The following KCNQ1 variants were observed in gnomAD, a reference collection of about 807,000 sequenced individuals.
KCNQ1 encodes the protein potassium voltage-gated channel subfamily KQT member 1.
Under a neutral mutation model 72.4 loss-of-function variants are expected in KCNQ1, and 49 were observed. That is an observed-to-expected ratio of 0.68 (90% CI 0.54 to 0.86). The LOEUF (loss-of-function observed/expected upper bound fraction) is 0.86. Among genes scored for constraint, KCNQ1 ranks in the 40% least tolerant of loss-of-function variants. The pLI is 0.00. For missense variants in KCNQ1, 790 were observed against 945.1 expected, an observed-to-expected ratio of 0.84 and a Z score of 2.15; for synonymous variants, 450 against 412.6, an observed-to-expected ratio of 1.09 and a Z score of -1.10.
chr11:2,809,596 TG>T lies in KCNQ1; in HGVS notation c.1794+31561del, dbSNP rs2134037824. Among the ~76,000 whole-genome samples, 1 of 152,346 alleles carries T rather than the reference TG, an allele frequency of 6.6e-6. No individual in the cohort carries two copies. The highest frequency in any genetic ancestry group is 2.1e-4 in the South Asian group (1 of 4,824). On this transcript the variant is annotated intron_variant, in intron 15 of 15. Transcript: ENST00000155840. This position sits in a 1 kb window ranked among gnomAD's most constrained non-coding sequence, Gnocchi z 7.1. ...CTCTTCTCAGTTCTTCGTTTCCAGT[TG>T]GACTCATCTCCTGACTGGTTGGGTT... is the stretch of plus-strand genomic sequence containing the variant.
At chr11:2,574,161 C>G (rs1235068372) in intron 6 of KCNQ1, among the ~76,000 whole-genome samples, 1 of 152,206 alleles carries the variant, frequency 6.6e-6, no homozygotes, top group Non-Finnish European at 1.5e-5. Flanking sequence ...CCCATCTCCC[C>G]CCACAGCTGC....
chr11:2,455,229 C>G (rs1339407827), intron 1 of KCNQ1, among the ~76,000 whole-genome samples: 1 of 152,070 alleles, frequency 6.6e-6, no homozygotes, highest in Non-Finnish European at 1.5e-5. Context: ...TCCCAAGTAG[C>G]TGGGACAACA....
chr11:2,685,810 C>CGATTCCTACTAGAACGAT (rs1459169539), intron 11 of KCNQ1: 1 of 398,598 alleles, frequency 2.5e-6, no homozygotes, highest in African/African-American at 2.1e-5. Flanking sequence ...CCTGAGAATG[C>CGATTCCTACTAGAACGAT]GATTCCTACT....
chr11:2,460,639 T>G (rs1846263858), intron 1 of KCNQ1, among the ~76,000 whole-genome samples: 1 of 152,176 alleles, frequency 6.6e-6, no homozygotes, highest in Admixed American at 6.5e-5. Flanking sequence ...CAAATTTGCA[T>G]GGGCCCCTTT....
intron 1 of KCNQ1, among the ~76,000 whole-genome samples, chr11:2,470,450 G>T (rs572348149): frequency 1.3e-5 from 2 of 152,274 alleles, no homozygotes; most frequent in Admixed American, 6.5e-5. Context: ...GCATGGAAGC[G>T]TATATCCCAG....
intron 10 of KCNQ1, among the ~76,000 whole-genome samples, chr11:2,596,125 T>C (rs1482466544): frequency 6.6e-6 from 1 of 152,038 alleles, no homozygotes; most frequent in African/African-American, 2.4e-5. Context: ...AAAAACACAA[T>C]GAAATACCAC....
chr11:2,601,508 C>A lies in KCNQ1; in HGVS notation c.1393+12654C>A, dbSNP rs1848806845. ...TAACCAGGATGTCAACAGCAAGAGT[C>A]CAGATGCAGAGTGCTCCCGTCGCCA... is the stretch of plus-strand genomic sequence containing the variant. On this transcript the variant is annotated intron_variant, in intron 10 of 15. Transcript: ENST00000155840. The surrounding 1 kb of genome is among the most constrained non-coding windows in gnomAD (Gnocchi z 5.2). Among the ~76,000 whole-genome samples, 1 of 152,166 alleles carries A rather than the reference C, an allele frequency of 6.6e-6. No individual in the cohort carries two copies. Among genetic ancestry groups the A allele is most frequent in the Admixed American group, 6.5e-5 (1 of 15,270 alleles).
At chr11:2,632,205 AAAT>A (rs1849369199) in intron 10 of KCNQ1, 4 of 388,654 alleles carry the variant, frequency 1.0e-5, no homozygotes, top group African/African-American at 6.5e-5. Flanking sequence ...AAAAAAAAAG[AAAT>A]GCAACTGAAT....
chr11:2,689,237 G>T lies in KCNQ1; in HGVS notation c.1514+27156G>T, dbSNP rs1310253118. ...GATGCAGTGGTTTAGGCCAAGCTTT[G>T]AAGTCAGCCCTTGGAGGACGTTCCT... On this transcript the variant is annotated intron_variant, in intron 11 of 15. Transcript: ENST00000155840. 5.5e-5 allele frequency: 22 copies of T among 398,622 alleles called. 1 individual carries two copies. In the Admixed American group the frequency reaches 7.0e-4, roughly 13 times the overall value. The allele number at this position is 398,622 out of a possible 1,614,324, so 24.7% of individuals were successfully genotyped here. A position where few individuals can be genotyped will look rare whatever the true frequency, so the allele number is the denominator to read the frequency against.
At chr11:2,692,479 A>C (rs1850605286) in intron 11 of KCNQ1, 1 of 398,704 alleles carries the variant, frequency 2.5e-6, no homozygotes, top group Non-Finnish European at 4.4e-6. Flanking sequence ...CCTTTCTGGT[A>C]GTTCAGATGC....
At position 2,550,405 on chromosome 11, in the gene KCNQ1, G is replaced by A. The variant is rs1378487153; in HGVS notation, c.478-20223G>A. Among the ~76,000 whole-genome samples, 2 of 152,218 alleles carry A rather than the reference G, an allele frequency of 1.3e-5. No homozygotes were observed. The highest frequency in any genetic ancestry group is 2.9e-5 in the Non-Finnish European group (2 of 68,024). On this transcript the variant is annotated intron_variant, in intron 2 of 15. Coordinates refer to ENST00000155840, the MANE Select transcript of KCNQ1 (RefSeq NM_000218.3). The surrounding 1 kb of genome is among the most constrained non-coding windows in gnomAD (Gnocchi z 6.0). ...GAAAAGGCATAGGTAGAAGGTGGGAGAAGCCCACGTTCTGGGAGCGTCGCA... is the reference window on the plus strand; with the variant it reads ...GAAAAGGCATAGGTAGAAGGTGGGAAAAGCCCACGTTCTGGGAGCGTCGCA...
At chr11:2,697,658 A>G in intron 11 of KCNQ1, 1 of 398,594 alleles carries the variant, frequency 2.5e-6, no homozygotes. Flanking sequence ...TAGCCTCTTA[A>G]TGTGAATTAC....
At chr11:2,597,562 A>G (rs556188875) in intron 10 of KCNQ1, among the ~76,000 whole-genome samples, 1 of 152,348 alleles carries the variant, frequency 6.6e-6, no homozygotes, top group East Asian at 1.9e-4. Context: ...ATCTTTCAGA[A>G]GAGTATGAAA....
chr11:2,778,191 G>C (rs1011880108), intron 15 of KCNQ1, among the ~76,000 whole-genome samples, 154 bp downstream of exon 15: 7 of 152,364 alleles, frequency 4.6e-5, no homozygotes, highest in Admixed American at 1.3e-4. Flanking sequence ...CCCAAGAGGG[G>C]CCCAGGCCCA....
intron 10 of KCNQ1, chr11:2,614,766 G>A (rs1849034622): frequency 2.5e-6 from 1 of 398,276 alleles, no homozygotes; most frequent in African/African-American, 2.1e-5. Flanking sequence ...ACCACATTGT[G>A]TCAGTACCAC....
chr11:2,454,545 T>G (rs1233612630), intron 1 of KCNQ1, among the ~76,000 whole-genome samples: 3 of 152,172 alleles, frequency 2.0e-5, no homozygotes. Flanking sequence ...GTGATACTAT[T>G]TGTTATATTA....
At position 2,824,100 on chromosome 11, in the gene KCNQ1, C is replaced by T. The variant is rs887727323; in HGVS notation, c.1795-23667C>T. Among the ~76,000 whole-genome samples the T allele has an allele frequency of 2.6e-5, 4 of 152,102 alleles. No individual in the cohort carries two copies. Among genetic ancestry groups the T allele is most frequent in the Admixed American group, 2.0e-4 (3 of 15,282 alleles). ...ACAGCACAAACACCTTGACACACAC[C>T]GTCACACACACCCATATTCGACACA... is the stretch of plus-strand genomic sequence containing the variant. On this transcript the variant is annotated intron_variant, in intron 15 of 15. Transcript: ENST00000155840. This position sits in a 1 kb window ranked among gnomAD's most constrained non-coding sequence, Gnocchi z 5.9.
At position 2,623,816 on chromosome 11, in the gene KCNQ1, A is replaced by C. The variant is rs189957838; in HGVS notation, c.1393+34962A>C. The C allele has an allele frequency of 7.3e-5, 29 of 398,480 alleles. No homozygotes were observed. In the Admixed American group the frequency reaches 1.1e-3, roughly 16 times the overall value. 24.7% of individuals were successfully genotyped at this position (398,480 alleles called of 1,614,324 possible). On this transcript the variant is annotated intron_variant, in intron 10 of 15. Coordinates refer to ENST00000155840, the MANE Select transcript of KCNQ1 (RefSeq NM_000218.3). The surrounding 1 kb of genome is among the most constrained non-coding windows in gnomAD (Gnocchi z 5.2). ...TGTGATTGCTGAACTGCATGGTAAGAATATGTTTAATTTTATAAGAAACCA... is the reference window on the plus strand; with the variant it reads ...TGTGATTGCTGAACTGCATGGTAAGCATATGTTTAATTTTATAAGAAACCA...
In KCNQ1 at chr11:2,494,277, A is replaced by G. The variant is rs1264894642; in HGVS notation, c.387-33651A>G. ...GACAATGGGGTTTTCTAAATATACA[A>G]TCATGTCATCTGCAAACAGAGAAAA... On this transcript the variant is annotated intron_variant, in intron 1 of 15. Coordinates refer to ENST00000155840, the MANE Select transcript of KCNQ1 (RefSeq NM_000218.3). This position sits in a 1 kb window ranked among gnomAD's most constrained non-coding sequence, Gnocchi z 4.6. Among the ~76,000 whole-genome samples the G allele has an allele frequency of 6.6e-6, 1 of 152,194 alleles. No homozygotes were observed. The highest frequency in any genetic ancestry group is 1.9e-4 in the East Asian group (1 of 5,202).
Sources: allele counts gnomAD v4.1 joint callset (sites outside exome capture counted in the v4.1 genomes callset), GRCh38; gene constraint gnomAD v4.1.1; non-coding constraint Gnocchi (gnomAD v3.1); transcripts MANE v1.5; gene names NCBI Gene and HGNC (gene_info 2026-07-23, HGNC 2026-07-21).